NPAS3: variants seen among roughly 807,000 people sequenced by gnomAD.
The protein encoded by NPAS3 is neuronal PAS domain-containing protein 3.
NPAS3 carries 14 observed loss-of-function variants against 73.1 expected under a neutral mutation model. The ratio of observed to expected loss-of-function variants is 0.19; its 90% CI spans 0.13 to 0.30. The LOEUF (loss-of-function observed/expected upper bound fraction) is 0.30. Ranked by LOEUF, NPAS3 falls within the 10% of genes least tolerant of loss-of-function variation. The pLI is 1.00. For synonymous variants in NPAS3, 620 were observed against 541.5 expected, an observed-to-expected ratio of 1.14 and a Z score of -2.01; for missense variants, 1,096 against 1,250.0, an observed-to-expected ratio of 0.88 and a Z score of 1.86.
intron 3 of NPAS3, among the ~76,000 whole-genome samples, chr14:33,244,513 T>TA (rs147338224): frequency 0.11 from 16,218 of 148,024 alleles, 1,519 homozygotes; most frequent in East Asian, 0.29. Flanking sequence ...TAATGTAAGT[T>TA]AAAAAAAAAA....
At chr14:33,469,855 A>G (rs1381127630) in intron 4 of NPAS3, among the ~76,000 whole-genome samples, 1 of 152,166 alleles carries the variant, frequency 6.6e-6, no homozygotes, top group African/African-American at 2.4e-5. Flanking sequence ...CTTTAAACTT[A>G]TAGGGCTGAA....
chr14:33,144,221 T>C (rs10133794), intron 2 of NPAS3, among the ~76,000 whole-genome samples: 92,741 of 152,016 alleles, frequency 0.61, 29,422 homozygotes, highest in Non-Finnish European at 0.7. Flanking sequence ...TTATTTTTCA[T>C]GTTTTTAACA....
chr14:33,386,331 G>C (rs2046774608), intron 4 of NPAS3, among the ~76,000 whole-genome samples: 1 of 152,114 alleles, frequency 6.6e-6, no homozygotes. Flanking sequence ...CCAATGTCAA[G>C]GAGAATGATT....
chr14:33,707,926 G>A (rs1199360839), intron 6 of NPAS3, among the ~76,000 whole-genome samples: 1 of 152,162 alleles, frequency 6.6e-6, no homozygotes, highest in African/African-American at 2.4e-5. Context: ...GGTGAGGGAA[G>A]GTATGCTTTT....
At chr14:33,294,190 C>T (rs2042206963) in intron 3 of NPAS3, among the ~76,000 whole-genome samples, 1 of 152,150 alleles carries the variant, frequency 6.6e-6, no homozygotes, top group African/African-American at 2.4e-5. Flanking sequence ...TACCTTGAAG[C>T]CATGGTCTTC....
chr14:33,407,550 G>A (rs1368536873), intron 4 of NPAS3, among the ~76,000 whole-genome samples: 1 of 152,102 alleles, frequency 6.6e-6, no homozygotes, highest in Non-Finnish European at 1.5e-5. Flanking sequence ...TGAAATATCA[G>A]TGATGGCATA....
At chr14:33,727,468 C>G (rs1010508028) in intron 6 of NPAS3, among the ~76,000 whole-genome samples, 2 of 152,082 alleles carry the variant, frequency 1.3e-5, no homozygotes, top group African/African-American at 4.8e-5. Flanking sequence ...GTTCTATCAA[C>G]AGTGAAGATT....
At chr14:33,177,990 C>T (rs1424325805) in intron 2 of NPAS3, among the ~76,000 whole-genome samples, 1 of 151,924 alleles carries the variant, frequency 6.6e-6, no homozygotes, top group Non-Finnish European at 1.5e-5. Flanking sequence ...GAGCCCCTTA[C>T]ACTTCCATAT....
At chr14:33,618,333 G>A (rs2057981523) in intron 5 of NPAS3, among the ~76,000 whole-genome samples, 1 of 152,082 alleles carries the variant, frequency 6.6e-6, no homozygotes, top group African/African-American at 2.4e-5. Context: ...TCACCATAAT[G>A]TAGAATCAGT....
chr14:33,359,995 T>A (rs1249251369), intron 3 of NPAS3, among the ~76,000 whole-genome samples: 1 of 152,196 alleles, frequency 6.6e-6, no homozygotes, highest in African/African-American at 2.4e-5. Flanking sequence ...CAGAGCACCT[T>A]CTTACGTCAA....
Position 33,793,846 on chromosome 14 carries a change from T to G in NPAS3, c.1154-51T>G, listed in dbSNP as rs377021088. The G allele has an allele frequency of 1.5e-5, 23 of 1,549,118 alleles. No homozygotes were observed. The African/African-American group carries it at 2.9e-4, about 20-fold the overall frequency. ...GCAGAGATAAAAAAAAAAAAAAAGT[T>G]ATTTGATCCCAGTCTTAATACAATG... On this transcript the variant is annotated intron_variant, in intron 9 of 11. Transcript: ENST00000356141.
At chr14:33,123,324 A>T (rs1042565767) in intron 2 of NPAS3, among the ~76,000 whole-genome samples, 3 of 152,102 alleles carry the variant, frequency 2.0e-5, no homozygotes, top group African/African-American at 7.2e-5. Context: ...TGCCATTAAT[A>T]GGGACCAAGG....
chr14:33,397,552 A>G (rs1348459118), intron 4 of NPAS3, among the ~76,000 whole-genome samples: 2 of 152,104 alleles, frequency 1.3e-5, no homozygotes, highest in African/African-American at 2.4e-5. Context: ...AGTCAATTGC[A>G]TGAGGTTAAT....
chr14:33,115,909 T>C (rs1289780278), intron 2 of NPAS3, among the ~76,000 whole-genome samples: 2 of 152,164 alleles, frequency 1.3e-5, no homozygotes, highest in Non-Finnish European at 2.9e-5. Context: ...GTCTATTTTA[T>C]AGACTTTAAA....
chr14:33,272,756 C>G (rs2041152425), intron 3 of NPAS3, among the ~76,000 whole-genome samples: 1 of 152,162 alleles, frequency 6.6e-6, no homozygotes, highest in Admixed American at 6.6e-5. Context: ...CAAAATATCA[C>G]TGGAATTCTG....
At chr14:33,438,706 A>C (rs1013386680) in intron 4 of NPAS3, among the ~76,000 whole-genome samples, 1 of 152,220 alleles carries the variant, frequency 6.6e-6, no homozygotes, top group Non-Finnish European at 1.5e-5. Context: ...CCTGCCTCTA[A>C]CTGTGGTAAT....
chr14:33,222,961 C>T (rs1594436110), intron 3 of NPAS3, among the ~76,000 whole-genome samples: 1 of 152,232 alleles, frequency 6.6e-6, no homozygotes, highest in Admixed American at 6.5e-5. Context: ...GGATGAGCTG[C>T]TAGTCCCTGC....
intron 4 of NPAS3, among the ~76,000 whole-genome samples, chr14:33,406,291 G>A (rs2047663395): frequency 6.6e-6 from 1 of 152,106 alleles, no homozygotes; most frequent in Admixed American, 6.6e-5. Flanking sequence ...ATATGAGTAT[G>A]TGTGGTGGGA....
At chr14:33,201,536 A>G (rs1395160109) in intron 2 of NPAS3, among the ~76,000 whole-genome samples, 1 of 152,188 alleles carries the variant, frequency 6.6e-6, no homozygotes. Flanking sequence ...TCTCAGCCCA[A>G]ACAAAACCAA....
Sources: allele counts gnomAD v4.1 joint callset (sites outside exome capture counted in the v4.1 genomes callset), GRCh38; gene constraint gnomAD v4.1.1; transcripts MANE v1.5; gene names NCBI Gene and HGNC (gene_info 2026-07-23, HGNC 2026-07-21).